The following PEX5L variants were observed in gnomAD, a reference collection of about 807,000 sequenced individuals.
The protein encoded by PEX5L is PEX5-related protein.
PEX5L carries 30 observed loss-of-function variants against 84.0 expected under a neutral mutation model. That is an observed-to-expected ratio of 0.36 (90% CI 0.27 to 0.48). The LOEUF (loss-of-function observed/expected upper bound fraction) is 0.48, where lower values mean the gene tolerates loss of function less well. Ranked by LOEUF, PEX5L falls within the 20% of genes least tolerant of loss-of-function variation. The pLI, the probability that PEX5L is intolerant of heterozygous loss-of-function variation, is 0.99. For missense variants in PEX5L, 533 were observed against 754.6 expected, an observed-to-expected ratio of 0.71 and a Z score of 3.44; for synonymous variants, 270 against 283.1, an observed-to-expected ratio of 0.95 and a Z score of 0.46.
At chr3:179,862,442 T>G (rs1452165047) in intron 7 of PEX5L, among the ~76,000 whole-genome samples, 1 of 152,214 alleles carries the variant, frequency 6.6e-6, no homozygotes, top group East Asian at 1.9e-4. Context: ...TGTAACCTAG[T>G]AGAGATGTTA....
chr3:179,802,800 G>C (rs1719576742), intron 14 of PEX5L, among the ~76,000 whole-genome samples: 2 of 151,336 alleles, frequency 1.3e-5, no homozygotes, highest in Admixed American at 1.3e-4. Flanking sequence ...AGCTAGAGTA[G>C]ATTGAGTTTA....
chr3:179,981,805 GA>G (rs11294284), intron 1 of PEX5L, among the ~76,000 whole-genome samples: 96,233 of 149,794 alleles, frequency 0.64, 32,512 homozygotes, highest in East Asian at 0.88. Flanking sequence ...CATGCTATTT[GA>G]AAAAAAAAAC....
intron 1 of PEX5L, among the ~76,000 whole-genome samples, chr3:180,022,879 A>C (rs1283803910): frequency 6.6e-6 from 1 of 152,232 alleles, no homozygotes; most frequent in Admixed American, 6.5e-5. Flanking sequence ...TATTACATGC[A>C]TAAATGTTAC....
At chr3:179,997,168 AGCCTTTTATCAGGGTAACTGT>A (rs1269072319) in intron 1 of PEX5L, among the ~76,000 whole-genome samples, 1 of 152,162 alleles carries the variant, frequency 6.6e-6, no homozygotes, top group Admixed American at 6.5e-5. Flanking sequence ...GGAGACCTCC[AGCCTTTTATCAGGGTAACTGT>A]GCACTGGGGA....
chr3:179,967,825 T>C (rs1363247605), intron 2 of PEX5L, among the ~76,000 whole-genome samples: 1 of 152,204 alleles, frequency 6.6e-6, no homozygotes, highest in African/African-American at 2.4e-5. Flanking sequence ...AGCTGAATAC[T>C]TAGAAATGCA....
chr3:179,804,130 G>A (rs575813872), intron 14 of PEX5L: 1 of 152,044 alleles, frequency 6.6e-6, no homozygotes, highest in Non-Finnish European at 1.5e-5. Flanking sequence ...GAGGGATTTG[G>A]AGAGAAACAG....
intron 1 of PEX5L, among the ~76,000 whole-genome samples, chr3:179,988,033 T>C (rs1006550205): frequency 1.3e-5 from 2 of 152,154 alleles, no homozygotes; most frequent in African/African-American, 2.4e-5. Flanking sequence ...GACCAGACGA[T>C]CTTTCACATT....
intron 8 of PEX5L, among the ~76,000 whole-genome samples, chr3:179,825,626 TA>T (rs1027193448): frequency 6.6e-6 from 1 of 152,146 alleles, no homozygotes; most frequent in African/African-American, 2.4e-5. Context: ...AGTTAAATTT[TA>T]AAAAGAAATG....
chr3:179,879,911 C>A lies in PEX5L; in HGVS notation c.505+18G>T. The A allele has an allele frequency of 6.5e-7, 1 of 1,528,864 alleles. No individual in the cohort carries two copies. The highest frequency in any genetic ancestry group is 8.8e-7 in the Non-Finnish European group (1 of 1,138,292). 94.7% of individuals were successfully genotyped at this position (1,528,864 alleles called of 1,614,324 possible). On this transcript the variant is annotated intron_variant, in intron 5 of 14. Transcript: ENST00000467460. ...CAGAGCAAGGTTGAGCATCCATAGC[C>A]GCAAGCGATTGCCTTACCTAGATCT...
chr3:179,805,749 G>A (rs1312827695), intron 14 of PEX5L, among the ~76,000 whole-genome samples: 3 of 152,060 alleles, frequency 2.0e-5, no homozygotes, highest in Admixed American at 6.5e-5. Flanking sequence ...AAATTGACTT[G>A]TTCCAGTATG....
chr3:179,991,139 G>A (rs1189075537), intron 1 of PEX5L, among the ~76,000 whole-genome samples: 1 of 152,142 alleles, frequency 6.6e-6, no homozygotes. Flanking sequence ...TCACCTCCAC[G>A]GAGATAGCAC....
At chr3:180,023,793 G>A (rs1052416122) in intron 1 of PEX5L, among the ~76,000 whole-genome samples, 1 of 149,470 alleles carries the variant, frequency 6.7e-6, no homozygotes, top group African/African-American at 2.6e-5. Context: ...GAGAGAGAGA[G>A]AGAGGGAGAG....
At chr3:180,004,762 A>G (rs974601694) in intron 1 of PEX5L, among the ~76,000 whole-genome samples, 2 of 151,908 alleles carry the variant, frequency 1.3e-5, no homozygotes, top group African/African-American at 4.8e-5. Flanking sequence ...CCATGGGACT[A>G]TTTATGCAGT....
intron 4 of PEX5L, among the ~76,000 whole-genome samples, chr3:179,880,606 A>G (rs766903580): frequency 2.0e-5 from 3 of 152,224 alleles, no homozygotes; most frequent in Non-Finnish European, 4.4e-5. Flanking sequence ...AAGCAGTTCA[A>G]TCAGAAAATG....
chr3:179,978,767 A>G (rs1786042484), intron 1 of PEX5L, among the ~76,000 whole-genome samples: 1 of 152,204 alleles, frequency 6.6e-6, no homozygotes, highest in African/African-American at 2.4e-5. Context: ...TATTCTCACC[A>G]TTAAGTGTTG....
At chr3:179,861,449 G>A (rs934665561) in intron 7 of PEX5L, among the ~76,000 whole-genome samples, 28 of 152,172 alleles carry the variant, frequency 1.8e-4, no homozygotes, top group African/African-American at 6.8e-4. Context: ...ATGCCGGAGG[G>A]GCCTGCCTAG....
intron 8 of PEX5L, among the ~76,000 whole-genome samples, chr3:179,840,183 G>GTGTTT (rs542803963): frequency 4.8e-4 from 38 of 78,728 alleles, no homozygotes; most frequent in African/African-American, 1.8e-3. Context: ...GTGTGTGTGT[G>GTGTTT]TTTTTTTTTT....
At chr3:179,815,580 T>C (rs1257257737) in intron 10 of PEX5L, among the ~76,000 whole-genome samples, 1 of 152,098 alleles carries the variant, frequency 6.6e-6, no homozygotes, top group Non-Finnish European at 1.5e-5. Context: ...GCAAGACTTG[T>C]CTCAAAAAAA....
intron 12 of PEX5L, 146 bp downstream of exon 12, chr3:179,809,325 G>C (rs1310615685): frequency 4.7e-6 from 3 of 638,388 alleles, no homozygotes; most frequent in Non-Finnish European, 8.4e-6. Context: ...TCTTTCTAAC[G>C]AGTGATGCTC....
Sources: allele counts gnomAD v4.1 joint callset (sites outside exome capture counted in the v4.1 genomes callset), GRCh38; gene constraint gnomAD v4.1.1; transcripts MANE v1.5; gene names NCBI Gene and HGNC (gene_info 2026-07-23, HGNC 2026-07-21).